The following NEGR1 variants were observed in gnomAD, a reference collection of about 807,000 sequenced individuals.
The protein encoded by NEGR1 is IgLON family member 4.
Under a neutral mutation model 40.9 loss-of-function variants are expected in NEGR1, and 10 were observed. That is an observed-to-expected ratio of 0.24 (90% CI 0.15 to 0.42). The LOEUF (loss-of-function observed/expected upper bound fraction) is 0.42, where lower values mean the gene tolerates loss of function less well. Among genes scored for constraint, NEGR1 ranks in the 10% least tolerant of loss-of-function variants. The pLI is 1.00. For missense variants in NEGR1, 352 were observed against 438.9 expected, an observed-to-expected ratio of 0.80 and a Z score of 1.77; for synonymous variants, 185 against 166.8, an observed-to-expected ratio of 1.11 and a Z score of -0.84.
intron 6 of NEGR1, among the ~76,000 whole-genome samples, chr1:71,541,995 TA>T (rs1647720947): frequency 6.6e-6 from 1 of 151,736 alleles, no homozygotes; most frequent in East Asian, 2.0e-4. Flanking sequence ...CAAGAGTGAA[TA>T]AGAAATTCTC....
chr1:71,788,284 C>T (rs1656984912), intron 2 of NEGR1, among the ~76,000 whole-genome samples: 1 of 152,058 alleles, frequency 6.6e-6, no homozygotes, highest in Non-Finnish European at 1.5e-5. Context: ...GATAACTTGC[C>T]ATGTGTTGGC....
At chr1:71,743,613 T>A (rs929569223) in intron 3 of NEGR1, among the ~76,000 whole-genome samples, 1 of 152,190 alleles carries the variant, frequency 6.6e-6, no homozygotes, top group African/African-American at 2.4e-5. Flanking sequence ...TTAAATGCTA[T>A]TGTTGTTCTC....
At chr1:71,424,461 G>A (rs1271697948) in intron 6 of NEGR1, among the ~76,000 whole-genome samples, 1 of 152,134 alleles carries the variant, frequency 6.6e-6, no homozygotes, top group Non-Finnish European at 1.5e-5. Context: ...TTCCTCCCCA[G>A]ACATTCCCAT....
intron 4 of NEGR1, among the ~76,000 whole-genome samples, chr1:71,616,149 T>C (rs1650439575): frequency 6.6e-6 from 1 of 152,224 alleles, no homozygotes. Context: ...GTATGTCTTA[T>C]GAATCTTTTA....
At chr1:71,845,734 T>TAC (rs1659384385) in intron 2 of NEGR1, among the ~76,000 whole-genome samples, 5 of 77,600 alleles carry the variant, frequency 6.4e-5, no homozygotes, top group African/African-American at 1.6e-4. Flanking sequence ...TATCTATCTA[T>TAC]CTACCTACCT....
chr1:71,597,438 C>G (rs1173966375), intron 5 of NEGR1, among the ~76,000 whole-genome samples: 4 of 21,784 alleles, frequency 1.8e-4, no homozygotes, highest in African/African-American at 3.2e-4. Flanking sequence ...ATATGTCTCT[C>G]TCTCTCTCTC....
intron 1 of NEGR1, among the ~76,000 whole-genome samples, chr1:71,994,355 T>C (rs572534951): frequency 6.6e-6 from 1 of 152,066 alleles, no homozygotes; most frequent in Admixed American, 6.6e-5. Flanking sequence ...GGTGAAACCC[T>C]GTCTCTACTA....
intron 2 of NEGR1, among the ~76,000 whole-genome samples, chr1:71,806,345 T>C (rs1254033874): frequency 6.6e-6 from 1 of 152,096 alleles, no homozygotes; most frequent in Non-Finnish European, 1.5e-5. Context: ...GGAATCCCTA[T>C]GATTTAGGGC....
At chr1:71,669,710 G>A (rs1451144929) in intron 4 of NEGR1, among the ~76,000 whole-genome samples, 2 of 152,070 alleles carry the variant, frequency 1.3e-5, no homozygotes, top group Non-Finnish European at 2.9e-5. Context: ...GAGTGCAGTG[G>A]CGCGATCTCG....
At chr1:72,173,280 T>G (rs1343319361) in intron 1 of NEGR1, among the ~76,000 whole-genome samples, 1 of 90,640 alleles carries the variant, frequency 1.1e-5, no homozygotes, top group Non-Finnish European at 2.4e-5. Context: ...AGTGCTAGGA[T>G]TACAGGCATG....
intron 1 of NEGR1, among the ~76,000 whole-genome samples, chr1:71,989,728 C>A (rs1357172530): frequency 6.6e-6 from 1 of 152,080 alleles, no homozygotes; most frequent in African/African-American, 2.4e-5. Flanking sequence ...ATATTTCTAA[C>A]CTCTTAAAAA....
At chr1:71,802,269 A>G (rs2101749580) in intron 2 of NEGR1, among the ~76,000 whole-genome samples, 1 of 152,312 alleles carries the variant, frequency 6.6e-6, no homozygotes, top group African/African-American at 2.4e-5. Flanking sequence ...ACATACTGCA[A>G]AAAAATGAGA....
chr1:71,743,665 T>C (rs1655286829), intron 3 of NEGR1, among the ~76,000 whole-genome samples: 1 of 152,154 alleles, frequency 6.6e-6, no homozygotes, highest in African/African-American at 2.4e-5. Context: ...CAGCAGCATC[T>C]CCAAAGGGTC....
chr1:71,704,695 A>G (rs1653826188), intron 3 of NEGR1, among the ~76,000 whole-genome samples: 1 of 151,974 alleles, frequency 6.6e-6, no homozygotes, highest in Non-Finnish European at 1.5e-5. Flanking sequence ...ATCTCTATTA[A>G]ACCTTTAAGA....
intron 3 of NEGR1, among the ~76,000 whole-genome samples, chr1:71,726,133 G>A (rs1230495470): frequency 1.3e-5 from 2 of 152,090 alleles, no homozygotes; most frequent in Non-Finnish European, 2.9e-5. Flanking sequence ...CCTTATTCAA[G>A]TACAGCTGTT....
chr1:72,200,846 CAGAA>C (rs1653180202), intron 1 of NEGR1, among the ~76,000 whole-genome samples: 1 of 151,776 alleles, frequency 6.6e-6, no homozygotes, highest in Non-Finnish European at 1.5e-5. Flanking sequence ...AGAATGTGTT[CAGAA>C]AGAGTGTATT....
intron 3 of NEGR1, among the ~76,000 whole-genome samples, chr1:71,719,291 T>C (rs1029797756): frequency 9.8e-5 from 15 of 152,290 alleles, no homozygotes; most frequent in South Asian, 4.1e-4. Flanking sequence ...TATTCATACA[T>C]AACAAATGTT....
At chr1:72,085,722 C>A (rs943828211) in intron 1 of NEGR1, among the ~76,000 whole-genome samples, 2 of 152,196 alleles carry the variant, frequency 1.3e-5, no homozygotes, top group African/African-American at 4.8e-5. Flanking sequence ...GTAATCCCAG[C>A]ACTTTGGGAG....
At chr1:71,504,337 C>A (rs1272480574) in intron 6 of NEGR1, among the ~76,000 whole-genome samples, 1 of 151,820 alleles carries the variant, frequency 6.6e-6, no homozygotes, top group Non-Finnish European at 1.5e-5. Flanking sequence ...AAGCAAAAAT[C>A]ATAGTTTCTA....
Sources: allele counts gnomAD v4.1 joint callset (sites outside exome capture counted in the v4.1 genomes callset), GRCh38; gene constraint gnomAD v4.1.1; transcripts MANE v1.5; gene names NCBI Gene and HGNC (gene_info 2026-07-23, HGNC 2026-07-21).